The following CRMP1 variants were observed in gnomAD, a reference collection of about 807,000 sequenced individuals.
CRMP1 encodes the protein dihydropyrimidinase-related protein 1.
A neutral mutation model predicts 68.3 loss-of-function variants in CRMP1; 19 were observed. That is an observed-to-expected ratio of 0.28 (90% CI 0.19 to 0.41). The LOEUF (loss-of-function observed/expected upper bound fraction) is 0.41. Ranked by LOEUF, CRMP1 falls within the 10% of genes least tolerant of loss-of-function variation. The pLI is 1.00. For missense variants in CRMP1, 791 were observed against 967.4 expected (o/e 0.82, Z 2.42); for synonymous variants, 439 against 399.6 (o/e 1.10, Z -1.18).
intron 6 of CRMP1, among the ~76,000 whole-genome samples, chr4:5,846,472 G>T (rs1712207827): frequency 6.6e-6 from 1 of 152,158 alleles, no homozygotes; most frequent in South Asian, 2.1e-4. Context: ...TTGTCTTATG[G>T]TGTGAACCCC....
intron 6 of CRMP1, among the ~76,000 whole-genome samples, chr4:5,844,929 G>A (rs147427356): frequency 3.0e-4 from 46 of 152,312 alleles, no homozygotes; most frequent in African/African-American, 8.2e-4. Flanking sequence ...GAAGCCTCAC[G>A]CATCACGGTT....
Position 5,866,829 on chromosome 4 carries a change from AT to A in CRMP1, c.382-74del. ...TAAAGTTTTTTCTTTTTAATTTTTA[AT>A]ATAAGAATTATCAAATATTTTCAAA... On this transcript the variant is annotated intron_variant, in intron 1 of 13. Transcript: ENST00000324989. The surrounding 1 kb of genome is among the most constrained non-coding windows in gnomAD (Gnocchi z 5.9). 1 of 1,049,040 alleles carries A rather than the reference AT, an allele frequency of 9.5e-7. No homozygotes were observed. Among genetic ancestry groups the A allele is most frequent in the East Asian group, 2.7e-5 (1 of 36,584 alleles). The allele number at this position is 1,049,040 out of a possible 1,614,324, so 65.0% of individuals were successfully genotyped here.
chr4:5,846,382 C>T (rs1577780372), intron 6 of CRMP1, among the ~76,000 whole-genome samples: 1 of 152,124 alleles, frequency 6.6e-6, no homozygotes, highest in Non-Finnish European at 1.5e-5. Flanking sequence ...AACTACAGGG[C>T]CTCTGGGAAG....
At chr4:5,868,961 C>T (rs538895322) in intron 1 of CRMP1, among the ~76,000 whole-genome samples, 81 of 151,832 alleles carry the variant, frequency 5.3e-4, no homozygotes, top group African/African-American at 1.9e-3. Context: ...TTTCTTTTTT[C>T]TTTTTTTCGA....
At position 5,825,513 on chromosome 4, in the gene CRMP1, C is replaced by G; in HGVS notation, c.1950G>C (p.Gln650His). 6.4e-7 allele frequency: 1 copy of G among 1,573,698 alleles called. No individual in the cohort carries two copies. The highest frequency in any genetic ancestry group is 8.6e-7 in the Non-Finnish European group (1 of 1,166,586). Residue 650 changes from glutamine to histidine, a missense_variant, in exon 13 of 14, where the codon CAG becomes CAC. Around this residue, in one of 3 missense-constraint regions of CRMP1, gnomAD observed 594 missense variants for 763.6 expected, o/e 0.78. Coordinates refer to ENST00000324989, the MANE Select transcript of CRMP1 (RefSeq NM_001014809.3). This position sits in a 1 kb window ranked among gnomAD's most constrained non-coding sequence, Gnocchi z 4.4. ...TCCTACCTGATAAGCTGAAGTTGGA[C>G]TGGTGGAGGTTTCTGATGGGTGGGG... Reference protein sequence around the residue: ...HQPPPIRNLHQSNFSLSGAQI... With the variant: ...HQPPPIRNLHHSNFSLSGAQI...
chr4:5,886,597 C>G (rs183493849), intron 1 of CRMP1, among the ~76,000 whole-genome samples: 24 of 152,336 alleles, frequency 1.6e-4, no homozygotes, highest in Admixed American at 1.3e-3. Flanking sequence ...GCAGGCCATC[C>G]TATTAAGTTT....
rs534506298 is a variant in CRMP1, at chr4:5,861,957, CAA to C, written c.471-749_471-748del. ...CACAGGAAGATGCTGCTTCAGTGACCAAAAGTGCAGCTCTAGACAGAATCCAC... is the reference window on the plus strand; with the variant it reads ...CACAGGAAGATGCTGCTTCAGTGACCAAGTGCAGCTCTAGACAGAATCCAC... On this transcript the variant is annotated intron_variant, in intron 2 of 13. Transcript: ENST00000324989. This position sits in a 1 kb window ranked among gnomAD's most constrained non-coding sequence, Gnocchi z 6.0. Among the ~76,000 whole-genome samples the C allele has an allele frequency of 6.6e-6, 1 of 152,160 alleles. No individual in the cohort carries two copies. The highest frequency in any genetic ancestry group is 2.1e-4 in the South Asian group (1 of 4,820).
Position 5,889,530 on chromosome 4 carries a change from A to G in CRMP1, c.381+3059T>C. On this transcript the variant is annotated intron_variant, in intron 1 of 13. Coordinates refer to ENST00000324989, the MANE Select transcript of CRMP1 (RefSeq NM_001014809.3). The surrounding 1 kb of genome is among the most constrained non-coding windows in gnomAD (Gnocchi z 4.5). ...CAAGGTCCGTAACAGCAGAGGGGAAAAGATGAAAGAAGATGGAGGAAAAGG... is the reference window on the plus strand; with the variant it reads ...CAAGGTCCGTAACAGCAGAGGGGAAGAGATGAAAGAAGATGGAGGAAAAGG... 1 of 1,526,868 alleles carries G rather than the reference A, an allele frequency of 6.5e-7. No individual in the cohort carries two copies. Among genetic ancestry groups the G allele is most frequent in the Non-Finnish European group, 8.8e-7 (1 of 1,138,738 alleles). The allele number at this position is 1,526,868 out of a possible 1,614,324, so 94.6% of individuals were successfully genotyped here. A position where few individuals can be genotyped will look rare whatever the true frequency, so the allele number is the denominator to read the frequency against.
rs1318245466 is a variant in CRMP1, at chr4:5,834,532, G to A, written c.1623+1383C>T. On this transcript the variant is annotated intron_variant, in intron 11 of 13. Coordinates refer to ENST00000324989, the MANE Select transcript of CRMP1 (RefSeq NM_001014809.3). This position sits in a 1 kb window ranked among gnomAD's most constrained non-coding sequence, Gnocchi z 4.3. ...TTAATACTGAAATTCCCAGCCTCCA[G>A]AACCGTGAGCCACATAAATTTATTT... is the stretch of plus-strand genomic sequence containing the variant. 6.6e-6 allele frequency among the ~76,000 whole-genome samples: 1 copy of A among 152,126 alleles called. No individual in the cohort carries two copies. The highest frequency in any genetic ancestry group is 1.5e-5 in the Non-Finnish European group (1 of 68,028).
chr4:5,875,124 G>C (rs939681836), intron 1 of CRMP1, among the ~76,000 whole-genome samples: 1 of 152,192 alleles, frequency 6.6e-6, no homozygotes, highest in Non-Finnish European at 1.5e-5. Context: ...TTAAGCATTA[G>C]GTTGAGCTCT....
chr4:5,888,382 A>G lies in CRMP1; in HGVS notation c.381+4207T>C. The G allele has an allele frequency of 8.2e-7, 1 of 1,224,364 alleles. No homozygotes were observed. Among genetic ancestry groups the G allele is most frequent in the Non-Finnish European group, 1.0e-6 (1 of 981,712 alleles). 75.8% of individuals were successfully genotyped at this position (1,224,364 alleles called of 1,614,324 possible). ...TGACAAAGGCCCGGGAGGGATAGAG[A>G]CACGGACGGAGGCTCGGCGCCCGTG... On this transcript the variant is annotated intron_variant, in intron 1 of 13. Coordinates refer to ENST00000324989, the MANE Select transcript of CRMP1 (RefSeq NM_001014809.3). This position sits in a 1 kb window ranked among gnomAD's most constrained non-coding sequence, Gnocchi z 6.4.
At chr4:5,885,305 A>G (rs563669220) in intron 1 of CRMP1, among the ~76,000 whole-genome samples, 14 of 152,218 alleles carry the variant, frequency 9.2e-5, no homozygotes, top group Non-Finnish European at 2.1e-4. Flanking sequence ...TGTGCAGATG[A>G]GACAGCTGAG....
rs1003673881 is a variant in CRMP1 at position 5,888,127 on chromosome 4, G to C, written c.381+4462C>G. Reference sequence around the variant, plus strand: ...ACCCGCGGCGACGCAGGAGGCCTCGGGGGGCGCCCCTGCCGGCGCCCCGTG... The same window carrying C: ...ACCCGCGGCGACGCAGGAGGCCTCGCGGGGCGCCCCTGCCGGCGCCCCGTG... On this transcript the variant is annotated intron_variant, in intron 1 of 13. Transcript: ENST00000324989. The surrounding 1 kb of genome is among the most constrained non-coding windows in gnomAD (Gnocchi z 6.4). 6 of 1,210,582 alleles carry C rather than the reference G, an allele frequency of 5.0e-6. No individual in the cohort carries two copies. The highest frequency in any genetic ancestry group is 4.1e-6 in the Non-Finnish European group (4 of 970,572). The allele number at this position is 1,210,582 out of a possible 1,614,324, so 75.0% of individuals were successfully genotyped here.
intron 8 of CRMP1, among the ~76,000 whole-genome samples, chr4:5,840,233 G>A (rs967138254): frequency 1.3e-5 from 2 of 152,226 alleles, no homozygotes; most frequent in African/African-American, 4.8e-5. Flanking sequence ...CCAGGGGAAA[G>A]GGAGTTGGAT....
Position 5,842,428 on chromosome 4 carries a change from CAAAAAAAAAAAAA to C in CRMP1, c.1032+652_1032+664del, listed in dbSNP as rs71171489. On this transcript the variant is annotated intron_variant, in intron 7 of 13. Transcript: ENST00000324989. The surrounding 1 kb of genome is among the most constrained non-coding windows in gnomAD (Gnocchi z 4.5). ...TGGGCAACAGAGAGAGACTCCATCT[CAAAAAAAAAAAAA>C]AAAAAAGAAAAGAAAGAAAGAAAGT... Among the ~76,000 whole-genome samples, 5 of 99,102 alleles carry C rather than the reference CAAAAAAAAAAAAA, an allele frequency of 5.0e-5. No homozygotes were observed. In the East Asian group the frequency reaches 1.6e-3, roughly 32 times the overall value. The allele number at this position is 99,102 out of a possible 152,430, so 65.0% of individuals were successfully genotyped here.
At chr4:5,833,840 C>G (rs902334836) in intron 11 of CRMP1, among the ~76,000 whole-genome samples, 5 of 152,068 alleles carry the variant, frequency 3.3e-5, no homozygotes, top group African/African-American at 1.2e-4. Context: ...GTCAGGAGAT[C>G]GAGACCATCC....
chr4:5,872,386 C>T lies in CRMP1; in HGVS notation c.382-5630G>A, dbSNP rs1471125003. On this transcript the variant is annotated intron_variant, in intron 1 of 13. Transcript: ENST00000324989. The surrounding 1 kb of genome is among the most constrained non-coding windows in gnomAD (Gnocchi z 4.6). ...TGAACAATGGTACGCTCTGCACAAA[C>T]ATTATTATGTATAACCTAGGCCAGG... Among the ~76,000 whole-genome samples, 1 of 152,146 alleles carries T rather than the reference C, an allele frequency of 6.6e-6. No homozygotes were observed. The highest frequency in any genetic ancestry group is 2.4e-5 in the African/African-American group (1 of 41,430).
intron 1 of CRMP1, among the ~76,000 whole-genome samples, chr4:5,884,601 ATCTC>A (rs548891849): frequency 3.4e-4 from 51 of 151,822 alleles, no homozygotes; most frequent in African/African-American, 1.2e-3. Flanking sequence ...AAGCCTCTGA[ATCTC>A]TCTGAGCCTC....
At chr4:5,886,157 C>T (rs1387278537) in intron 1 of CRMP1, among the ~76,000 whole-genome samples, 1 of 152,192 alleles carries the variant, frequency 6.6e-6, no homozygotes, top group East Asian at 1.9e-4. Context: ...ACAAATGATC[C>T]TCATCAAGGC....
Sources: allele counts gnomAD v4.1 joint callset (sites outside exome capture counted in the v4.1 genomes callset), GRCh38; gene constraint gnomAD v4.1.1; regional missense constraint gnomAD v4.1.1; non-coding constraint Gnocchi (gnomAD v3.1); transcripts MANE v1.5; gene names NCBI Gene and HGNC (gene_info 2026-07-23, HGNC 2026-07-21).